Variants in ALK observed in about 807,000 individuals in gnomAD.
ALK encodes ALK tyrosine kinase receptor.
In ALK, 74 loss-of-function variants were observed where a neutral mutation model predicts 163.1. That is an observed-to-expected ratio of 0.45 (90% CI 0.38 to 0.55). The LOEUF (loss-of-function observed/expected upper bound fraction) is 0.55. ALK is among the 20% of genes least tolerant of loss of function. The pLI, the probability that ALK is intolerant of heterozygous loss-of-function variation, is 0.00. For synonymous variants in ALK, 960 were observed against 843.2 expected (o/e 1.14, Z -2.40); for missense variants, 2,063 against 2,105.3 (o/e 0.98, Z 0.39).
intron 1 of ALK, among the ~76,000 whole-genome samples, chr2:29,882,866 T>C (rs1666900769): frequency 1.3e-5 from 2 of 152,228 alleles, no homozygotes; most frequent in Non-Finnish European, 2.9e-5. Context: ...ATCCCAAATA[T>C]TGTAAACATC....
intron 5 of ALK, among the ~76,000 whole-genome samples, chr2:29,344,384 A>G (rs1667887096): frequency 6.6e-6 from 1 of 152,226 alleles, no homozygotes; most frequent in Non-Finnish European, 1.5e-5. Flanking sequence ...GCTAGATCAT[A>G]AAGACTGTGC....
intron 3 of ALK, among the ~76,000 whole-genome samples, chr2:29,623,912 G>A (rs887977149): frequency 2.0e-5 from 3 of 152,116 alleles, no homozygotes; most frequent in Admixed American, 1.3e-4. Flanking sequence ...TACAACAGTT[G>A]GTGGCTTAAA....
chr2:29,717,441 G>A (rs1052469595), intron 2 of ALK, 137 bp downstream of exon 2: 1 of 1,031,456 alleles, frequency 9.7e-7, no homozygotes, highest in South Asian at 1.4e-5. Flanking sequence ...GAGACAGAGG[G>A]CTCAGAAAGA....
intron 11 of ALK, among the ~76,000 whole-genome samples, chr2:29,254,104 TCTC>T (rs1229466900): frequency 3.3e-5 from 5 of 152,204 alleles, no homozygotes; most frequent in Non-Finnish European, 7.3e-5. Context: ...CACTCATTCT[TCTC>T]CTTCCTGCCA....
intron 1 of ALK, among the ~76,000 whole-genome samples, chr2:29,917,996 A>G (rs1572500692): frequency 6.6e-6 from 1 of 152,230 alleles, no homozygotes; most frequent in Non-Finnish European, 1.5e-5. Context: ...ATGCTTCCCT[A>G]CAGCCAATAG....
At chr2:29,725,154 C>A (rs868187120) in intron 1 of ALK, among the ~76,000 whole-genome samples, 171 of 67,266 alleles carry the variant, frequency 2.5e-3, no homozygotes, top group South Asian at 4.1e-3. Flanking sequence ...TATCCTATAC[C>A]AAAAAAAAAA....
intron 1 of ALK, among the ~76,000 whole-genome samples, chr2:29,831,031 GA>G (rs1558508494): frequency 4.9e-5 from 3 of 60,618 alleles, no homozygotes; most frequent in Non-Finnish European, 9.4e-5. Flanking sequence ...GAAGGGGAAG[GA>G]GGAGGAGGAG....
chr2:29,773,830 AAGG>A (rs1372989146), intron 1 of ALK, among the ~76,000 whole-genome samples: 2 of 152,228 alleles, frequency 1.3e-5, no homozygotes, highest in Non-Finnish European at 2.9e-5. Context: ...TGAAGGGAAC[AAGG>A]AGAAGGAAGA....
chr2:29,375,987 C>T (rs1045526524), intron 5 of ALK, among the ~76,000 whole-genome samples: 4 of 152,166 alleles, frequency 2.6e-5, no homozygotes, highest in Non-Finnish European at 1.5e-5. Context: ...CCACAAATAA[C>T]ATCTCTGACC....
intron 1 of ALK, among the ~76,000 whole-genome samples, chr2:29,842,638 T>C (rs372591957): frequency 6.6e-6 from 1 of 152,114 alleles, no homozygotes; most frequent in East Asian, 1.9e-4. Flanking sequence ...CCAGGACCCA[T>C]AGCATGGACC....
At chr2:29,351,385 C>T (rs773606827) in intron 5 of ALK, among the ~76,000 whole-genome samples, 3 of 152,030 alleles carry the variant, frequency 2.0e-5, no homozygotes, top group Admixed American at 6.6e-5. Context: ...AGGGATCACC[C>T]GATAATGACA....
chr2:29,565,690 G>T (rs1377788060), intron 3 of ALK, among the ~76,000 whole-genome samples: 1 of 152,102 alleles, frequency 6.6e-6, no homozygotes, highest in Non-Finnish European at 1.5e-5. Flanking sequence ...GAAGAGCAGG[G>T]CCACAGACAA....
At chr2:29,488,817 T>C (rs1032953726) in intron 4 of ALK, among the ~76,000 whole-genome samples, 1 of 152,220 alleles carries the variant, frequency 6.6e-6, no homozygotes, top group Admixed American at 6.5e-5. Flanking sequence ...CACGGCCCGG[T>C]CTTCCTCCAC....
chr2:29,247,166 C>CT (rs558207520), intron 12 of ALK, among the ~76,000 whole-genome samples: 1 of 150,110 alleles, frequency 6.7e-6, no homozygotes, highest in Non-Finnish European at 1.5e-5. Flanking sequence ...GCGGCAGCGC[C>CT]TTTCCCCCGG....
chr2:29,730,091 A>G (rs1418161776), intron 1 of ALK, among the ~76,000 whole-genome samples: 1 of 152,204 alleles, frequency 6.6e-6, no homozygotes, highest in Non-Finnish European at 1.5e-5. Flanking sequence ...TGCTGAAATT[A>G]TGGCAACTCG....
chr2:29,498,259 G>A (rs1357210838), intron 4 of ALK, among the ~76,000 whole-genome samples: 2 of 132,564 alleles, frequency 1.5e-5, no homozygotes, highest in Admixed American at 7.4e-5. Context: ...GACTGGGTTT[G>A]GGGGAGGAGG....
intron 1 of ALK, among the ~76,000 whole-genome samples, chr2:29,913,372 C>T (rs1253152745): frequency 6.6e-6 from 1 of 152,140 alleles, no homozygotes; most frequent in African/African-American, 2.4e-5. Flanking sequence ...AGAATGCCTC[C>T]AACCTCCTCC....
chr2:29,348,798 C>T (rs938679987), intron 5 of ALK, among the ~76,000 whole-genome samples: 1 of 152,206 alleles, frequency 6.6e-6, no homozygotes, highest in Non-Finnish European at 1.5e-5. Context: ...CAGCTCCCAT[C>T]GTAAGGACGG....
intron 11 of ALK, among the ~76,000 whole-genome samples, chr2:29,272,586 G>A (rs1665420599): frequency 6.6e-6 from 1 of 152,202 alleles, no homozygotes; most frequent in African/African-American, 2.4e-5. Context: ...ACCCCAAAGG[G>A]CCTTTGCGTT....
Sources: allele counts gnomAD v4.1 joint callset (sites outside exome capture counted in the v4.1 genomes callset), GRCh38; gene constraint gnomAD v4.1.1; transcripts MANE v1.5; gene names NCBI Gene and HGNC (gene_info 2026-07-23, HGNC 2026-07-21).